The following ZBTB20 variants were observed in gnomAD, a reference collection of about 807,000 sequenced individuals.
ZBTB20 encodes zinc finger and BTB domain-containing protein 20.
In ZBTB20, 9 loss-of-function variants were observed where a neutral mutation model predicts 56.9. That is an observed-to-expected ratio of 0.16 (90% confidence interval 0.10 to 0.28). The LOEUF (loss-of-function observed/expected upper bound fraction) is 0.28, where lower values mean the gene tolerates loss of function less well. Ranked by LOEUF, ZBTB20 falls within the 10% of genes least tolerant of loss-of-function variation. The probability of loss-of-function intolerance (pLI) is 1.00; values close to 1 mark genes in which losing one functional copy is unlikely to be tolerated. For missense variants in ZBTB20, 655 were observed against 1,003.0 expected (o/e 0.65, Z 4.69); for synonymous variants, 417 against 420.7 (o/e 0.99, Z 0.11).
intron 3 of ZBTB20, among the ~76,000 whole-genome samples, chr3:114,926,740 C>T (rs951000220): frequency 2.0e-5 from 3 of 152,048 alleles, no homozygotes; most frequent in Non-Finnish European, 4.4e-5. Flanking sequence ...GTTTTGGAAG[C>T]AGAAAAAATG....
At chr3:114,353,152 C>A (rs1576298168) in intron 10 of ZBTB20, among the ~76,000 whole-genome samples, 1 of 152,336 alleles carries the variant, frequency 6.6e-6, no homozygotes, top group East Asian at 1.9e-4. Context: ...CTTGCCTTTA[C>A]AACTGAACAA....
At chr3:115,091,643 T>C (rs752393695) in intron 1 of ZBTB20, among the ~76,000 whole-genome samples, 16 of 151,158 alleles carry the variant, frequency 1.1e-4, no homozygotes, top group Non-Finnish European at 1.8e-4. Context: ...GTAAAAAGGC[T>C]CCAAACTTAT....
At chr3:114,541,002 C>G (rs533030389) in intron 6 of ZBTB20, among the ~76,000 whole-genome samples, 5 of 152,064 alleles carry the variant, frequency 3.3e-5, no homozygotes, top group South Asian at 4.2e-4. Context: ...TTCTTGTTAC[C>G]TGTAAACTCT....
intron 3 of ZBTB20, among the ~76,000 whole-genome samples, chr3:114,946,338 G>C (rs1293314993): frequency 6.9e-6 from 1 of 145,278 alleles, no homozygotes; most frequent in Non-Finnish European, 1.5e-5. Flanking sequence ...ATTGAATTAA[G>C]CTCAAAATTA....
chr3:114,322,337 T>C lies in ZBTB20; in HGVS notation c.*16668A>G, dbSNP rs1156448885. 6.6e-6 allele frequency: 1 copy of C among 152,238 alleles called. No individual in the cohort carries two copies. Among genetic ancestry groups the C allele is most frequent in the African/African-American group, 2.4e-5 (1 of 41,456 alleles). 9.4% of individuals were successfully genotyped at this position (152,238 alleles called of 1,614,324 possible). On this transcript the variant is annotated 3_prime_UTR_variant, in exon 12 of 12. Coordinates refer to ENST00000675478, the MANE Select transcript of ZBTB20 (RefSeq NM_001348800.3). ...ATCAAATCCAAAGTCATAAAGATAG[T>C]TCAGTACGTCCTCTGATGACAAGGT... is the stretch of plus-strand genomic sequence containing the variant.
At chr3:114,828,751 A>G (rs1357441713) in intron 4 of ZBTB20, among the ~76,000 whole-genome samples, 4 of 151,922 alleles carry the variant, frequency 2.6e-5, no homozygotes, top group Admixed American at 6.6e-5. Flanking sequence ...GGTTGACAGT[A>G]AAATTCTGAG....
chr3:114,478,488 C>A (rs1285915919), intron 7 of ZBTB20, among the ~76,000 whole-genome samples: 1 of 152,174 alleles, frequency 6.6e-6, no homozygotes, highest in East Asian at 1.9e-4. Flanking sequence ...AAATGCATAT[C>A]TCATTCTGGA....
At chr3:114,377,648 G>C (rs966312446) in intron 10 of ZBTB20, among the ~76,000 whole-genome samples, 16 of 152,170 alleles carry the variant, frequency 1.1e-4, no homozygotes, top group African/African-American at 3.9e-4. Flanking sequence ...CAAGATGCCT[G>C]TTCAGAGCCA....
At chr3:114,882,006 T>C (rs1281746366) in intron 4 of ZBTB20, among the ~76,000 whole-genome samples, 1 of 151,786 alleles carries the variant, frequency 6.6e-6, no homozygotes, top group Non-Finnish European at 1.5e-5. Context: ...TTTCTACATA[T>C]ACAAAACTCA....
At chr3:114,354,416 A>T (rs1216435418) in intron 10 of ZBTB20, among the ~76,000 whole-genome samples, 1 of 152,248 alleles carries the variant, frequency 6.6e-6, no homozygotes, top group Non-Finnish European at 1.5e-5. Flanking sequence ...CATATATGAC[A>T]GTTTTCTTTC....
chr3:114,473,587 G>A (rs939893261), intron 7 of ZBTB20, among the ~76,000 whole-genome samples: 1 of 152,122 alleles, frequency 6.6e-6, no homozygotes, highest in South Asian at 2.1e-4. Context: ...CCTGGTGACT[G>A]GGAAGGCTGA....
chr3:115,070,096 A>G (rs1359269572), intron 2 of ZBTB20, among the ~76,000 whole-genome samples: 2 of 152,058 alleles, frequency 1.3e-5, no homozygotes, highest in African/African-American at 4.8e-5. Flanking sequence ...ATCACCTATG[A>G]TTTCCTGTTT....
At chr3:114,519,254 T>C (rs1261887425) in intron 6 of ZBTB20, 2 of 152,194 alleles carry the variant, frequency 1.3e-5, no homozygotes, top group Admixed American at 6.5e-5. Flanking sequence ...TTACAGTACA[T>C]TGGTAATTTC....
At chr3:114,699,556 C>T (rs1272907793) in intron 5 of ZBTB20, among the ~76,000 whole-genome samples, 1 of 151,928 alleles carries the variant, frequency 6.6e-6, no homozygotes, top group Non-Finnish European at 1.5e-5. Context: ...TCAAAAATTC[C>T]AGCGAAGATT....
At chr3:115,057,402 T>C (rs1576669837) in intron 2 of ZBTB20, among the ~76,000 whole-genome samples, 1 of 152,232 alleles carries the variant, frequency 6.6e-6, no homozygotes, top group East Asian at 1.9e-4. Flanking sequence ...TTTTAACTTA[T>C]CAAGGCTACC....
chr3:114,807,558 G>C (rs2072208681), intron 4 of ZBTB20, among the ~76,000 whole-genome samples: 1 of 151,446 alleles, frequency 6.6e-6, no homozygotes, highest in South Asian at 2.1e-4. Flanking sequence ...GAAGACATAA[G>C]AACTGACAAC....
At chr3:114,360,569 TC>T (rs1421294762) in intron 10 of ZBTB20, among the ~76,000 whole-genome samples, 1 of 151,556 alleles carries the variant, frequency 6.6e-6, no homozygotes, top group Non-Finnish European at 1.5e-5. Context: ...GTCAGGCTGG[TC>T]TCGAACTCCT....
chr3:114,586,989 CTTTTTTTTTTTT>C (rs1195918426), intron 6 of ZBTB20, among the ~76,000 whole-genome samples: 2 of 76,976 alleles, frequency 2.6e-5, no homozygotes, highest in Non-Finnish European at 4.7e-5. Context: ...GTATAACTCC[CTTTTTTTTTTTT>C]TTTTTTTTTT....
At chr3:114,623,793 C>T (rs992628670) in intron 6 of ZBTB20, among the ~76,000 whole-genome samples, 3 of 151,924 alleles carry the variant, frequency 2.0e-5, no homozygotes, top group African/African-American at 7.3e-5. Context: ...TGAATACTAC[C>T]TCCCTGCCCC....
Sources: allele counts gnomAD v4.1 joint callset (sites outside exome capture counted in the v4.1 genomes callset), GRCh38; gene constraint gnomAD v4.1.1; transcripts MANE v1.5; gene names NCBI Gene and HGNC (gene_info 2026-07-23, HGNC 2026-07-21).